Variants in IL6R observed in about 807,000 individuals in gnomAD.
IL6R encodes the protein interleukin-6 receptor subunit alpha.
IL6R carries 38 observed loss-of-function variants against 48.3 expected under a neutral mutation model. The ratio of observed to expected loss-of-function variants is 0.79; its 90% CI spans 0.61 to 1.03. The LOEUF (loss-of-function observed/expected upper bound fraction) is 1.03, where lower values mean the gene tolerates loss of function less well. IL6R is among the 50% of genes least tolerant of loss of function. The probability of loss-of-function intolerance (pLI) is 0.00; values close to 1 mark genes in which losing one functional copy is unlikely to be tolerated. For synonymous variants in IL6R, 264 were observed against 256.2 expected (o/e 1.03, Z -0.29); for missense variants, 534 against 618.3 (o/e 0.86, Z 1.45).
Position 154,434,875 on chromosome 1 carries a change from T to C in IL6R, c.641-115T>C, listed in dbSNP as rs962293450. On this transcript the variant is annotated intron_variant, in intron 4 of 9. Transcript: ENST00000368485. ...GATAAAGCAGGCCCTTGTGGAGCTG[T>C]GCATGGGGAGTGAACGGGGCTGGGT... 6 of 1,253,310 alleles carry C rather than the reference T, an allele frequency of 4.8e-6. No homozygotes were observed. The African/African-American group carries it at 8.9e-5, about 19-fold the overall frequency. 77.6% of individuals were successfully genotyped at this position (1,253,310 alleles called of 1,614,324 possible). A position where few individuals can be genotyped will look rare whatever the true frequency, so the allele number is the denominator to read the frequency against.
rs746390787 is a variant in IL6R, at chr1:154,435,121, C to T, written c.772C>T (p.Arg258Trp). 17 of 1,614,078 alleles carry T rather than the reference C, an allele frequency of 1.1e-5. No individual in the cohort carries two copies. The East Asian group carries it at 1.1e-4, about 11-fold the overall frequency. ...FYRLRFELRY[R>W]AERSKTFTTW... ...CAGACTACGGTTTGAGCTCAGATAT[C>T]GGGCTGAACGGTCAAAGACATTCAC... Residue 258 changes from arginine to tryptophan, a missense_variant, in exon 5 of 10, where the codon CGG (arginine) becomes TGG (tryptophan). Transcript: ENST00000368485.
intron 1 of IL6R, among the ~76,000 whole-genome samples, chr1:154,420,509 T>A: frequency 6.8e-6 from 1 of 147,864 alleles, no homozygotes; most frequent in Non-Finnish European, 1.5e-5. Flanking sequence ...TACTTTATTT[T>A]ATTTTATTTA....
intron 6 of IL6R, among the ~76,000 whole-genome samples, chr1:154,445,648 G>T (rs1283226465): frequency 6.6e-6 from 1 of 151,984 alleles, no homozygotes; most frequent in Non-Finnish European, 1.5e-5. Flanking sequence ...TACTCAGGAG[G>T]CTGAGGCAGG....
At chr1:154,461,131 A>C (rs1353457042) in intron 9 of IL6R, among the ~76,000 whole-genome samples, 1 of 152,190 alleles carries the variant, frequency 6.6e-6, no homozygotes, top group East Asian at 1.9e-4. Flanking sequence ...TCTTCTCTGC[A>C]CTTATAAGAA....
intron 9 of IL6R, among the ~76,000 whole-genome samples, chr1:154,457,511 A>G (rs1690958896): frequency 6.6e-6 from 1 of 151,700 alleles, no homozygotes; most frequent in Admixed American, 6.6e-5. Context: ...GTTAGGAAAT[A>G]CTCATTCAGG....
chr1:154,414,095 G>T (rs1407939142), intron 1 of IL6R, among the ~76,000 whole-genome samples: 1 of 151,966 alleles, frequency 6.6e-6, no homozygotes, highest in East Asian at 1.9e-4. Flanking sequence ...GGGTTCAAGC[G>T]ATCCTCCCTC....
intron 9 of IL6R, among the ~76,000 whole-genome samples, chr1:154,461,217 G>T (rs1039391310): frequency 6.6e-6 from 1 of 152,208 alleles, no homozygotes; most frequent in African/African-American, 2.4e-5. Context: ...AACCAGGAGT[G>T]CGGGAGGAGC....
chr1:154,411,807 G>A (rs1688034711), intron 1 of IL6R, among the ~76,000 whole-genome samples: 1 of 152,126 alleles, frequency 6.6e-6, no homozygotes, highest in Non-Finnish European at 1.5e-5. Flanking sequence ...GTTCGAGGCT[G>A]CAGTGAACCG....
Position 154,429,229 on chromosome 1 carries a change from G to A in IL6R, c.119G>A (p.Gly40Glu). 6.2e-7 allele frequency: 1 copy of A among 1,613,790 alleles called. No homozygotes were observed. ...AGAGGCGTGCTGACCAGTCTGCCAG[G>A]AGACAGCGTGACTCTGACCTGCCCG... ...VARGVLTSLP[G>E]DSVTLTCPGV... The change falls in exon 2 of 10, where the codon GGA becomes GAA. Residue 40 changes from glycine (G) to glutamate (E), a missense_variant. By Grantham distance (98) the Gly-to-Glu change is moderately conservative. Coordinates refer to ENST00000368485, the MANE Select transcript of IL6R (RefSeq NM_000565.4).
intron 5 of IL6R, 70 bp from the exon 6 acceptor site, chr1:154,435,899 C>T: frequency 1.4e-5 from 19 of 1,396,588 alleles, no homozygotes; most frequent in Non-Finnish European, 1.8e-5. Flanking sequence ...AAGGCACCAA[C>T]CCACTGGGGT....
chr1:154,411,866 TCAACAA>T, intron 1 of IL6R, among the ~76,000 whole-genome samples: 1 of 151,366 alleles, frequency 6.6e-6, no homozygotes, highest in South Asian at 2.1e-4. Flanking sequence ...AGACCCTGTC[TCAACAA>T]CAACAACAAC....
intron 8 of IL6R, 60 bp downstream of exon 8, chr1:154,450,040 GA>G: frequency 9.3e-7 from 1 of 1,074,902 alleles, no homozygotes; most frequent in Non-Finnish European, 1.5e-6. Context: ...TGTCTCTGCA[GA>G]AAGTCCTTTC....
At chr1:154,431,511 G>A (rs561934278) in intron 3 of IL6R, among the ~76,000 whole-genome samples, 1 of 152,290 alleles carries the variant, frequency 6.6e-6, no homozygotes, top group South Asian at 2.1e-4. Flanking sequence ...TAAGAGGTTA[G>A]CAATAACTAA....
chr1:154,412,945 CTT>C (rs552986834), intron 1 of IL6R, among the ~76,000 whole-genome samples: 68 of 132,708 alleles, frequency 5.1e-4, no homozygotes, highest in Non-Finnish European at 6.9e-4. Flanking sequence ...AGAACTTCCT[CTT>C]TTTTTTTTTT....
chr1:154,420,898 C>T (rs1237408423), intron 1 of IL6R, among the ~76,000 whole-genome samples: 1 of 152,170 alleles, frequency 6.6e-6, no homozygotes, highest in Admixed American at 6.5e-5. Context: ...AGCCCAACCC[C>T]ACACAATTAA....
At chr1:154,445,620 G>C (rs1430331700) in intron 6 of IL6R, among the ~76,000 whole-genome samples, 2 of 151,872 alleles carry the variant, frequency 1.3e-5, no homozygotes, top group Non-Finnish European at 2.9e-5. Flanking sequence ...TGTGGTGGTG[G>C]GCGCCTGTAG....
chr1:154,449,382 G>T (rs965435921), intron 7 of IL6R, among the ~76,000 whole-genome samples: 11 of 152,058 alleles, frequency 7.2e-5, no homozygotes, highest in African/African-American at 2.2e-4. Flanking sequence ...GTGTGGTGGC[G>T]CATGCCTGTA....
At chr1:154,452,818 A>C (rs1690660153) in intron 8 of IL6R, among the ~76,000 whole-genome samples, 1 of 151,358 alleles carries the variant, frequency 6.6e-6, no homozygotes, top group South Asian at 2.1e-4. Context: ...CTCAAAAAAA[A>C]AAAAAATTCA....
intron 1 of IL6R, among the ~76,000 whole-genome samples, chr1:154,428,770 G>A (rs1689115838): frequency 2.6e-5 from 4 of 152,198 alleles, no homozygotes; most frequent in Admixed American, 1.3e-4. Context: ...TGGAATAGGA[G>A]GAGTTGTCGT....
Sources: gnomAD v4.1 joint callset for allele counts (sites outside exome capture counted in the v4.1 genomes callset) on GRCh38, gnomAD v4.1.1 for gene constraint, MANE v1.5 for transcripts, NCBI Gene and HGNC (gene_info 2026-07-23, HGNC 2026-07-21) for gene names.